Variants in ANKRD27 observed in about 807,000 individuals in gnomAD.
ANKRD27 encodes ankyrin repeat domain 27, also known as ankyrin repeat domain-containing protein 27.
A neutral mutation model predicts 129.7 loss-of-function variants in ANKRD27; 112 were observed. The observed-to-expected ratio is 0.86, with a 90% CI of 0.74 to 1.01. The LOEUF is 1.01. Among genes scored for constraint, ANKRD27 ranks in the 50% least tolerant of loss-of-function variants. The probability of loss-of-function intolerance (pLI) is 0.00; values close to 1 mark genes in which losing one functional copy is unlikely to be tolerated. For synonymous variants in ANKRD27, 516 were observed against 511.2 expected (o/e 1.01, Z -0.13); for missense variants, 1,258 against 1,300.5 (o/e 0.97, Z 0.50).
At chr19:32,659,901 T>C (rs951776329) in intron 1 of ANKRD27, among the ~76,000 whole-genome samples, 6 of 151,930 alleles carry the variant, frequency 3.9e-5, no homozygotes, top group African/African-American at 1.4e-4. Flanking sequence ...ACAATTTATC[T>C]ACAAAAAAAA....
At chr19:32,674,965 G>C (rs1967956557) in intron 1 of ANKRD27, 106 bp downstream of exon 1, 1 of 151,938 alleles carries the variant, frequency 6.6e-6, no homozygotes, top group African/African-American at 2.4e-5. Flanking sequence ...AGAGCAGGGA[G>C]CCCCTCCCCC....
intron 1 of ANKRD27, among the ~76,000 whole-genome samples, chr19:32,663,832 G>A (rs62124335): frequency 0.017 from 2,536 of 152,020 alleles, 32 homozygotes; most frequent in Non-Finnish European, 0.028. Context: ...CGAGGCGGGC[G>A]GATCACGAGG....
intron 1 of ANKRD27, among the ~76,000 whole-genome samples, chr19:32,663,633 C>T (rs1486534227): frequency 5.9e-5 from 9 of 152,176 alleles, no homozygotes; most frequent in African/African-American, 1.2e-4. Context: ...CAAGATCCCA[C>T]GTATGTTTAG....
chr19:32,632,180 T>G (rs111654447), intron 12 of ANKRD27, among the ~76,000 whole-genome samples: 23,394 of 151,720 alleles, frequency 0.15, 2,229 homozygotes, highest in East Asian at 0.25. Flanking sequence ...TCCCAGTTAC[T>G]TGGGAGGCTG....
At chr19:32,665,956 C>T (rs554087874) in intron 1 of ANKRD27, among the ~76,000 whole-genome samples, 58 of 152,148 alleles carry the variant, frequency 3.8e-4, no homozygotes, top group African/African-American at 1.3e-3. Flanking sequence ...TTGGTAGAGA[C>T]GGGGTTTCGC....
At chr19:32,645,347 G>A (rs1599762488) in intron 4 of ANKRD27, among the ~76,000 whole-genome samples, 2 of 152,084 alleles carry the variant, frequency 1.3e-5, no homozygotes, top group Non-Finnish European at 2.9e-5. Context: ...GGGAGCTGGA[G>A]GCTGCAGTGA....
chr19:32,609,423 G>A (rs2145263660), intron 22 of ANKRD27, among the ~76,000 whole-genome samples: 1 of 152,268 alleles, frequency 6.6e-6, no homozygotes, highest in Non-Finnish European at 1.5e-5. Flanking sequence ...AAACTACTCA[G>A]ATGTCCATTA....
intron 25 of ANKRD27, among the ~76,000 whole-genome samples, chr19:32,602,442 C>G (rs1477142311): frequency 1.3e-5 from 2 of 152,038 alleles, no homozygotes; most frequent in Non-Finnish European, 2.9e-5. Context: ...GTTGAGGGCC[C>G]CCATATAGTA....
chr19:32,649,060 C>T (rs1158279583), intron 3 of ANKRD27, among the ~76,000 whole-genome samples: 5 of 150,792 alleles, frequency 3.3e-5, no homozygotes, highest in Non-Finnish European at 4.4e-5. Flanking sequence ...TCAAACTCCT[C>T]AGCTTAAGCA....
In ANKRD27 at chr19:32,644,250, G is replaced by A. The variant is rs554963302; in HGVS notation, c.525+75C>T. The A allele has an allele frequency of 5.6e-5, 85 of 1,515,402 alleles. No individual in the cohort carries two copies. In the African/African-American group the frequency reaches 1.0e-3, roughly 18 times the overall value. The allele number at this position is 1,515,402 out of a possible 1,614,324, so 93.9% of individuals were successfully genotyped here. On this transcript the variant is annotated intron_variant, in intron 5 of 28. Coordinates refer to ENST00000306065, the MANE Select transcript of ANKRD27 (RefSeq NM_032139.3). ...GAGGCAGCACCAGGCAGTTCCAGAG[G>A]AAACTGAGGGCTCCCAGCACCCTGC...
chr19:32,658,989 CAGG>C lies in ANKRD27; in HGVS notation c.24_26del (p.Leu9del), dbSNP rs753645798. On this transcript the variant is annotated inframe_deletion, in exon 2 of 29. Transcript: ENST00000306065. ...GCAGAGCCAGATAGAAAGGATTTTT[CAGG>C]AGGTCTTCATCATACAGAGCCATAT... The C allele has an allele frequency of 6.2e-7, 1 of 1,614,016 alleles. No individual in the cohort carries two copies. Among genetic ancestry groups the C allele is most frequent in the Non-Finnish European group, 8.5e-7 (1 of 1,179,984 alleles).
chr19:32,619,482 C>T lies in ANKRD27; in HGVS notation c.1887+12G>A, dbSNP rs752197520. 6.8e-6 allele frequency: 11 copies of T among 1,613,950 alleles called. No individual in the cohort carries two copies. In the Admixed American group the frequency reaches 1.2e-4, roughly 17 times the overall value. ...CCAAGGTAACCTGACCTGCTCAGCC[C>T]GGCTGACTTACCTCGGACGACTTCT... On this transcript the variant is annotated intron_variant, in intron 19 of 28. Transcript: ENST00000306065.
At chr19:32,608,437 TA>T in intron 22 of ANKRD27, 2 of 343,446 alleles carry the variant, frequency 5.8e-6, no homozygotes, top group Non-Finnish European at 1.2e-5. Context: ...ACCACCGCTA[TA>T]AGAAACAGTG....
chr19:32,611,728 T>C (rs1350533486), intron 22 of ANKRD27, among the ~76,000 whole-genome samples: 1 of 152,102 alleles, frequency 6.6e-6, no homozygotes, highest in East Asian at 1.9e-4. Context: ...ATTACAGGCA[T>C]GCACCACCAC....
chr19:32,619,190 C>T (rs1971968569), intron 20 of ANKRD27, 70 bp downstream of exon 20: 30 of 1,549,036 alleles, frequency 1.9e-5, no homozygotes, highest in Non-Finnish European at 2.5e-5. Flanking sequence ...GGCCACGGCT[C>T]TTCAGCTGGA....
intron 2 of ANKRD27, among the ~76,000 whole-genome samples, chr19:32,656,079 G>GGA (rs1184755317): frequency 7.5e-4 from 17 of 22,714 alleles, no homozygotes; most frequent in African/African-American, 1.7e-3. Context: ...AAGAAAGAAA[G>GGA]AAAGAAAGAA....
chr19:32,669,885 T>A (rs770318500), intron 1 of ANKRD27, among the ~76,000 whole-genome samples: 1 of 151,254 alleles, frequency 6.6e-6, no homozygotes, highest in Non-Finnish European at 1.5e-5. Context: ...TAGTCCCAGC[T>A]ACTTGGAGGC....
At chr19:32,606,023 T>G in intron 23 of ANKRD27, 69 bp from the exon 24 acceptor site, 3 of 1,367,458 alleles carry the variant, frequency 2.2e-6, no homozygotes, top group Non-Finnish European at 2.0e-6. Context: ...AGAAAAATTA[T>G]GAAAAATAAA....
At chr19:32,622,737 T>C in intron 17 of ANKRD27, 118 bp from the exon 18 acceptor site, 1 of 880,520 alleles carries the variant, frequency 1.1e-6, no homozygotes, top group Non-Finnish European at 1.8e-6. Context: ...CTCAGAAGTG[T>C]CACAGTATCT....
Sources: allele counts gnomAD v4.1 joint callset (sites outside exome capture counted in the v4.1 genomes callset), GRCh38; gene constraint gnomAD v4.1.1; transcripts MANE v1.5; gene names NCBI Gene and HGNC (gene_info 2026-07-23, HGNC 2026-07-21).